The following PEAK3 variants were observed in gnomAD, a reference collection of about 807,000 sequenced individuals.
The protein encoded by PEAK3 is protein PEAK3.
A neutral mutation model predicts 13.3 loss-of-function variants in PEAK3; 15 were observed. That is an observed-to-expected ratio of 1.13 (90% CI 0.75 to 1.73). The LOEUF is 1.73. Among genes scored for constraint, PEAK3 ranks in the 40% most tolerant of loss-of-function variants. The pLI is 0.00. For missense variants in PEAK3, 739 were observed against 690.2 expected (o/e 1.07, Z -0.79); for synonymous variants, 347 against 341.9 (o/e 1.01, Z -0.17).
intron 2 of PEAK3, among the ~76,000 whole-genome samples, chr19:2,279,779 T>C (rs1236299568): frequency 6.6e-6 from 1 of 151,556 alleles, no homozygotes; most frequent in Non-Finnish European, 1.5e-5. Context: ...TTTTGAAGTC[T>C]TGCTCTGTCG....
intron 3 of PEAK3, among the ~76,000 whole-genome samples, chr19:2,277,776 A>G (rs1314937607): frequency 1.3e-5 from 2 of 151,068 alleles, no homozygotes; most frequent in Non-Finnish European, 1.5e-5. Flanking sequence ...TATGTTGGCC[A>G]GGCTGGTCTC....
intron 2 of PEAK3, among the ~76,000 whole-genome samples, chr19:2,280,281 T>G (rs2025428183): frequency 6.6e-6 from 1 of 151,712 alleles, no homozygotes; most frequent in Non-Finnish European, 1.5e-5. Context: ...AGGCTGGTCT[T>G]GAACTCCTGG....
intron 2 of PEAK3, 31 bp downstream of exon 2, chr19:2,280,819 G>C (rs980498056): frequency 1.3e-6 from 2 of 1,578,484 alleles, no homozygotes; most frequent in Admixed American, 3.5e-5. Flanking sequence ...CTGCACCCCC[G>C]CAGCCCAGGG....
rs1376044483 is a variant in PEAK3, at chr19:2,276,382, G to A, written c.720C>T (p.Gly240=). The A allele has an allele frequency of 6.3e-7, 1 of 1,599,890 alleles. No individual in the cohort carries two copies. The highest frequency in any genetic ancestry group is 1.1e-5 in the South Asian group (1 of 90,666). The change falls in exon 4 of 4, where the codon GGC becomes GGT. Residue 240 remains glycine, a synonymous_variant. Transcript: ENST00000342063. The stretch of plus-strand genomic sequence containing the variant: ...CTCTCCAGGGCGCCCCGGGCAGTGT[G>A]CCTTCAGGCACCAGGCCACACAGCC... ...LQGLCGLVPE[G]TLPGAPWRGA...
Position 2,276,414 on chromosome 19 carries a change from G to T in PEAK3, c.688C>A (p.Leu230Met), listed in dbSNP as rs201422487. The part of the protein sequence containing the change: ...LQASLSPHFN[L>M]QGLCGLVPEG... ...GGCACCAGGCCACACAGCCCCTGCAGATTGAAGTGTGGAGACAGGGAGGCC... is the reference window on the plus strand; with the variant it reads ...GGCACCAGGCCACACAGCCCCTGCATATTGAAGTGTGGAGACAGGGAGGCC... The change falls in exon 4 of 4, where the codon CTG becomes ATG. Residue 230 changes from leucine to methionine, a missense_variant. Coordinates refer to ENST00000342063, the MANE Select transcript of PEAK3 (RefSeq NM_198532.3). The T allele has an allele frequency of 9.0e-5, 144 of 1,597,670 alleles. No homozygotes were observed. The highest frequency in any genetic ancestry group is 3.4e-4 in the Admixed American group (20 of 59,574).
chr19:2,281,071 G>A (rs567633935), intron 1 of PEAK3, 136 bp from the exon 2 acceptor site: 23 of 573,328 alleles, frequency 4.0e-5, no homozygotes, highest in Admixed American at 2.5e-4. Context: ...GAGAACAGGC[G>A]CACCCACACT....
At position 2,280,957 on chromosome 19, in the gene PEAK3, C is replaced by CGT. The variant is rs758690071; in HGVS notation, c.-4-24_-4-23dup. The CGT allele has an allele frequency of 1.5e-5, 23 of 1,491,452 alleles. No individual in the cohort carries two copies. The Middle Eastern group carries it at 7.1e-4, about 46-fold the overall frequency. The allele number at this position is 1,491,452 out of a possible 1,614,324, so 92.4% of individuals were successfully genotyped here. A position where few individuals can be genotyped will look rare whatever the true frequency, so the allele number is the denominator to read the frequency against. ...GTTGCTGGGGAAAGGTCAAACGGGG[C>CGT]GTGTGTGGGGTGACCGTGTGCACGC... On this transcript the variant is annotated intron_variant, in intron 1 of 3. Transcript: ENST00000342063.
chr19:2,280,590 T>A (rs1198331813), intron 2 of PEAK3, among the ~76,000 whole-genome samples: 1 of 151,990 alleles, frequency 6.6e-6, no homozygotes. Context: ...CCTCAAGGGA[T>A]CCACCTGCCT....
At chr19:2,279,179 C>T (rs1289950195) in intron 2 of PEAK3, 66 bp from the exon 3 acceptor site, 6 of 1,277,896 alleles carry the variant, frequency 4.7e-6, no homozygotes, top group South Asian at 2.2e-5. Context: ...CGTGACTCCA[C>T]CTCTCAGCCT....
Position 2,275,814 on chromosome 19 carries a change from G to T in PEAK3, c.1288C>A (p.Leu430Met). The stretch of plus-strand genomic sequence containing the variant: ...CGCTCTGCTAGGCGCAGGACCAGCA[G>T]CCCGCGGCGCACCCGCAGCCAGGGC... The part of the protein sequence containing the change: ...LGPWLRVRRG[L>M]LVLRLAERAA... The change falls in exon 4 of 4, where the codon CTG becomes ATG. Residue 430 changes from leucine to methionine, a missense_variant. Leu to Met is a conservative substitution (Grantham distance 15). Coordinates refer to ENST00000342063, the MANE Select transcript of PEAK3 (RefSeq NM_198532.3). 6.5e-7 allele frequency: 1 copy of T among 1,529,302 alleles called. No homozygotes were observed. Among genetic ancestry groups the T allele is most frequent in the Non-Finnish European group, 8.7e-7 (1 of 1,144,604 alleles). The allele number at this position is 1,529,302 out of a possible 1,614,324, so 94.7% of individuals were successfully genotyped here.
chr19:2,278,440 C>A, intron 3 of PEAK3, 144 bp downstream of exon 3: 1 of 937,572 alleles, frequency 1.1e-6, no homozygotes, highest in Admixed American at 4.2e-5. Flanking sequence ...GGATGACAGG[C>A]GTGAGCCACC....
In PEAK3 at chr19:2,276,960, C is replaced by T. The variant is rs188002829; in HGVS notation, c.613-471G>A. 3.9e-3 allele frequency among the ~76,000 whole-genome samples: 597 copies of T among 152,028 alleles called. 3 individuals carry two copies. Among genetic ancestry groups the T allele is most frequent in the African/African-American group, 0.013 (549 of 41,470 alleles). On this transcript the variant is annotated intron_variant, in intron 3 of 3. Coordinates refer to ENST00000342063, the MANE Select transcript of PEAK3 (RefSeq NM_198532.3). ...CCGGGAGGTGGAGGTTGCAGTGAGC[C>T]GAGAACGCGCCACTGCACTCCAGCC...
At chr19:2,277,155 G>GT (rs1292350312) in intron 3 of PEAK3, among the ~76,000 whole-genome samples, 5 of 152,264 alleles carry the variant, frequency 3.3e-5, no homozygotes, top group Admixed American at 6.5e-5. Flanking sequence ...GTTGATTCAC[G>GT]TGTTAGTTGC....
At chr19:2,280,026 T>C (rs1356733506) in intron 2 of PEAK3, among the ~76,000 whole-genome samples, 1 of 148,364 alleles carries the variant, frequency 6.7e-6, no homozygotes, top group Non-Finnish European at 1.5e-5. Context: ...AGTGCTGGGA[T>C]TACAGGCTTG....
intron 3 of PEAK3, among the ~76,000 whole-genome samples, chr19:2,276,834 G>A (rs1421620049): frequency 6.6e-6 from 1 of 152,060 alleles, no homozygotes; most frequent in Non-Finnish European, 1.5e-5. Context: ...GCCAACGCAG[G>A]GAACGCTCGT....
Position 2,278,866 on chromosome 19 carries a change from T to A in PEAK3, c.330A>T (p.Ala110=). Residue 110 remains alanine (A), a synonymous_variant, in exon 3 of 4, where the codon GCA becomes GCT. Transcript: ENST00000342063. The part of the protein sequence containing the change: ...QAAVGPACLP[A]ELTFGPADAP... ...CGTCAGCCGGGCCAAAGGTCAGCTCTGCAGGGAGACAGGCTGGTCCCACTG... is the reference window on the plus strand; with the variant it reads ...CGTCAGCCGGGCCAAAGGTCAGCTCAGCAGGGAGACAGGCTGGTCCCACTG... 1 of 1,598,794 alleles carries A rather than the reference T, an allele frequency of 6.3e-7. No homozygotes were observed. Among genetic ancestry groups the A allele is most frequent in the Middle Eastern group, 1.7e-4 (1 of 6,038 alleles).
At position 2,274,969 on chromosome 19, in the gene PEAK3, A is replaced by G. The variant is rs916476747; in HGVS notation, c.*711T>C. 3.5e-5 allele frequency: 4 copies of G among 113,730 alleles called. No individual in the cohort carries two copies. Among genetic ancestry groups the G allele is most frequent in the African/African-American group, 1.0e-4 (4 of 38,676 alleles). 7.0% of individuals were successfully genotyped at this position (113,730 alleles called of 1,614,324 possible). On this transcript the variant is annotated 3_prime_UTR_variant, in exon 4 of 4. Coordinates refer to ENST00000342063, the MANE Select transcript of PEAK3 (RefSeq NM_198532.3). ...AAAAAAAAAAGAAAAAGAAAGTGGAACTGGAACAGTATGGCAGAGGGAACA... is the reference window on the plus strand; with the variant it reads ...AAAAAAAAAAGAAAAAGAAAGTGGAGCTGGAACAGTATGGCAGAGGGAACA...
At chr19:2,281,323 G>A (rs2025437119) in intron 1 of PEAK3, among the ~76,000 whole-genome samples, 1 of 118,684 alleles carries the variant, frequency 8.4e-6, no homozygotes, top group Non-Finnish European at 1.8e-5. Flanking sequence ...CTGGGCCCCT[G>A]ATGTGTGATC....
chr19:2,280,898 C>CG lies in PEAK3; in HGVS notation c.33dup (p.Glu12ArgfsTer14), dbSNP rs780551178. 4.4e-6 allele frequency: 7 copies of CG among 1,591,804 alleles called. No homozygotes were observed. Among genetic ancestry groups the CG allele is most frequent in the Admixed American group, 3.5e-5 (2 of 57,112 alleles). ...GTCGACCAGGTGGGGTTGTCGGGCT[C>CG]GGGGGGCTCTGTGGGGGGCTCCGGG... On this transcript the variant is annotated frameshift_variant, in exon 2 of 4. Transcript: ENST00000342063. LOFTEE classifies it high-confidence loss of function.
Sources: allele counts gnomAD v4.1 joint callset (sites outside exome capture counted in the v4.1 genomes callset), GRCh38; gene constraint gnomAD v4.1.1; transcripts MANE v1.5; gene names NCBI Gene and HGNC (gene_info 2026-07-23, HGNC 2026-07-21).